The following TEAD1 variants were observed in gnomAD, a reference collection of about 807,000 sequenced individuals.
TEAD1 encodes the protein transcriptional enhancer factor TEF-1.
In TEAD1, 9 loss-of-function variants were observed where a neutral mutation model predicts 54.9. That is an observed-to-expected ratio of 0.16 (90% confidence interval 0.10 to 0.29). The LOEUF (loss-of-function observed/expected upper bound fraction) is 0.29, where lower values mean the gene tolerates loss of function less well. Among genes scored for constraint, TEAD1 ranks in the 10% least tolerant of loss-of-function variants. The pLI, the probability that TEAD1 is intolerant of heterozygous loss-of-function variation, is 1.00. For synonymous variants in TEAD1, 200 were observed against 187.8 expected (o/e 1.07, Z -0.53); for missense variants, 387 against 535.9 (o/e 0.72, Z 2.74).
intron 3 of TEAD1, among the ~76,000 whole-genome samples, chr11:12,775,006 A>T (rs1945389894): frequency 6.6e-6 from 1 of 152,134 alleles, no homozygotes; most frequent in Non-Finnish European, 1.5e-5. Flanking sequence ...CTGCACATGT[A>T]CCCCTGAACT....
intron 9 of TEAD1, among the ~76,000 whole-genome samples, chr11:12,894,573 A>AG (rs1948269509): frequency 6.6e-6 from 1 of 152,188 alleles, no homozygotes; most frequent in Non-Finnish European, 1.5e-5. Context: ...GAAGGTAGGA[A>AG]GCAGGTATCT....
chr11:12,685,537 T>A (rs992551251), intron 2 of TEAD1, among the ~76,000 whole-genome samples: 35 of 152,322 alleles, frequency 2.3e-4, no homozygotes, highest in African/African-American at 7.2e-4. Context: ...ATCGAGTGAT[T>A]AAAAACTGAT....
At chr11:12,707,724 C>A (rs1436740062) in intron 2 of TEAD1, among the ~76,000 whole-genome samples, 1 of 152,130 alleles carries the variant, frequency 6.6e-6, no homozygotes, top group African/African-American at 2.4e-5. Context: ...AATTGCCTTT[C>A]TTTTTTTGGA....
chr11:12,783,098 T>TAC (rs1945594174), intron 3 of TEAD1, among the ~76,000 whole-genome samples: 1 of 139,274 alleles, frequency 7.2e-6, no homozygotes, highest in African/African-American at 2.7e-5. Flanking sequence ...AGGTAAGGGT[T>TAC]TGTGTGTGTG....
chr11:12,855,316 A>G (rs2134057341), intron 3 of TEAD1, among the ~76,000 whole-genome samples: 1 of 149,958 alleles, frequency 6.7e-6, no homozygotes, highest in South Asian at 2.1e-4. Context: ...GTTGAGACGG[A>G]GTCTCGCTCT....
At chr11:12,757,565 T>C (rs1465285017) in intron 2 of TEAD1, among the ~76,000 whole-genome samples, 3 of 152,210 alleles carry the variant, frequency 2.0e-5, no homozygotes, top group Non-Finnish European at 4.4e-5. Flanking sequence ...TTATTTACAC[T>C]GTGCCTGGCT....
At chr11:12,895,199 A>ACCCC (rs547810779) in intron 9 of TEAD1, among the ~76,000 whole-genome samples, 38 of 150,112 alleles carry the variant, frequency 2.5e-4, no homozygotes, top group African/African-American at 8.1e-4. Flanking sequence ...TCCTTTATTA[A>ACCCC]CCCCCCCCGG....
chr11:12,888,733 C>T (rs947787679), intron 9 of TEAD1, among the ~76,000 whole-genome samples: 9 of 152,204 alleles, frequency 5.9e-5, no homozygotes, highest in Non-Finnish European at 1.3e-4. Context: ...TGTATGCCAA[C>T]ACTATGCATT....
chr11:12,857,850 C>T (rs377106280), intron 3 of TEAD1, among the ~76,000 whole-genome samples: 1 of 152,060 alleles, frequency 6.6e-6, no homozygotes, highest in African/African-American at 2.4e-5. Flanking sequence ...TTTAGGAGGC[C>T]GAGGTGGGCG....
intron 2 of TEAD1, among the ~76,000 whole-genome samples, chr11:12,679,871 A>C (rs567206361): frequency 1.3e-5 from 2 of 152,266 alleles, no homozygotes; most frequent in South Asian, 4.2e-4. Context: ...AATTCAATAG[A>C]TCCGAATATT....
At chr11:12,787,563 T>C (rs1156230739) in intron 3 of TEAD1, among the ~76,000 whole-genome samples, 1 of 152,202 alleles carries the variant, frequency 6.6e-6, no homozygotes, top group Non-Finnish European at 1.5e-5. Flanking sequence ...ATTTAAATTG[T>C]TCATGAGAGC....
chr11:12,817,008 T>G (rs1366497765), intron 3 of TEAD1, among the ~76,000 whole-genome samples: 1 of 152,160 alleles, frequency 6.6e-6, no homozygotes, highest in Non-Finnish European at 1.5e-5. Flanking sequence ...GAGGCGAGGT[T>G]TATGCACACT....
At chr11:12,785,420 A>ATCTG (rs923519811) in intron 3 of TEAD1, among the ~76,000 whole-genome samples, 17 of 152,180 alleles carry the variant, frequency 1.1e-4, no homozygotes, top group African/African-American at 3.6e-4. Flanking sequence ...CAGGGCACAG[A>ATCTG]GGTTGTTCCC....
chr11:12,781,556 C>G (rs1490452702), intron 3 of TEAD1, among the ~76,000 whole-genome samples: 1 of 151,012 alleles, frequency 6.6e-6, no homozygotes, highest in African/African-American at 2.4e-5. Context: ...AAAAACACAC[C>G]AAAGATGCTC....
At chr11:12,761,217 A>G (rs9888259) in intron 2 of TEAD1, among the ~76,000 whole-genome samples, 1 of 152,230 alleles carries the variant, frequency 6.6e-6, no homozygotes. Flanking sequence ...TATAGAAATA[A>G]TAAGAAGAGG....
At chr11:12,680,782 A>G (rs1333436011) in intron 2 of TEAD1, among the ~76,000 whole-genome samples, 1 of 152,230 alleles carries the variant, frequency 6.6e-6, no homozygotes, top group Non-Finnish European at 1.5e-5. Context: ...TAGCTGCCCC[A>G]CATGCCGCCG....
rs1228299902 is a variant in TEAD1 at position 12,739,210 on chromosome 11, ATCTATCTATCTG to A, written c.-54-24957_-54-24946del. Among the ~76,000 whole-genome samples, 348 of 141,556 alleles carry A rather than the reference ATCTATCTATCTG, an allele frequency of 2.5e-3. 2 individuals carry two copies. Among genetic ancestry groups the A allele is most frequent in the African/African-American group, 7.4e-3 (258 of 34,778 alleles). The allele number at this position is 141,556 out of a possible 152,430, so 92.9% of individuals were successfully genotyped here. Reference sequence around the variant, plus strand: ...GAGGTCTCATTCTTTCTATCTATCTATCTATCTATCTGTCTATCTATCTATCTATCTATCAGT... The same window carrying A: ...GAGGTCTCATTCTTTCTATCTATCTATCTATCTATCTATCTATCTATCAGT... On this transcript the variant is annotated intron_variant, in intron 2 of 12. Coordinates refer to ENST00000527636, the MANE Select transcript of TEAD1 (RefSeq NM_021961.6).
At chr11:12,901,345 T>A (rs1948423118) in intron 9 of TEAD1, among the ~76,000 whole-genome samples, 1 of 152,196 alleles carries the variant, frequency 6.6e-6, no homozygotes, top group Non-Finnish European at 1.5e-5. Flanking sequence ...TTCTCTGTGA[T>A]CTGTACCCCA....
chr11:12,849,422 T>G (rs6486065), intron 3 of TEAD1: 97,881 of 152,108 alleles, frequency 0.64, 33,116 homozygotes, highest in East Asian at 0.77. Flanking sequence ...TCCCTGAATT[T>G]CAATTTCTTC....
Sources: allele counts gnomAD v4.1 joint callset (sites outside exome capture counted in the v4.1 genomes callset), GRCh38; gene constraint gnomAD v4.1.1; transcripts MANE v1.5; gene names NCBI Gene and HGNC (gene_info 2026-07-23, HGNC 2026-07-21).